The following GRID2 variants were observed in gnomAD, a reference collection of about 807,000 sequenced individuals.
GRID2 encodes the protein glutamate receptor ionotropic, delta-2.
GRID2 carries 33 observed loss-of-function variants against 114.8 expected under a neutral mutation model. The ratio of observed to expected loss-of-function variants is 0.29; its 90% CI spans 0.22 to 0.38. The LOEUF (loss-of-function observed/expected upper bound fraction) is 0.38. Ranked by LOEUF, GRID2 falls within the 10% of genes least tolerant of loss-of-function variation. The pLI is 1.00. For synonymous variants in GRID2, 505 were observed against 449.9 expected, an observed-to-expected ratio of 1.12 and a Z score of -1.55; for missense variants, 1,184 against 1,257.7, an observed-to-expected ratio of 0.94 and a Z score of 0.89.
At chr4:93,015,760 A>C (rs2149238396) in intron 2 of GRID2, among the ~76,000 whole-genome samples, 1 of 152,254 alleles carries the variant, frequency 6.6e-6, no homozygotes, top group Non-Finnish European at 1.5e-5. Context: ...ACAGACTTTC[A>C]AAACAGGGAG....
At chr4:93,074,735 T>C (rs1293426532) in intron 2 of GRID2, among the ~76,000 whole-genome samples, 7 of 152,146 alleles carry the variant, frequency 4.6e-5, no homozygotes, top group African/African-American at 1.4e-4. Context: ...ATAAAAGTGA[T>C]AAACCTTTAG....
At chr4:92,590,786 G>A (rs985840430) in intron 2 of GRID2, among the ~76,000 whole-genome samples, 4 of 152,016 alleles carry the variant, frequency 2.6e-5, no homozygotes, top group Non-Finnish European at 4.4e-5. Context: ...TACTCTCTAC[G>A]AGGCACCAAA....
At position 93,537,245 on chromosome 4, in the gene GRID2, C is replaced by T. The variant is rs557423796; in HGVS notation, c.2193+21834C>T. On this transcript the variant is annotated intron_variant, in intron 13 of 15. Coordinates refer to ENST00000282020, the MANE Select transcript of GRID2 (RefSeq NM_001510.4). The stretch of plus-strand genomic sequence containing the variant: ...CTCTAAGGCTATTTTCATTTTCACC[C>T]CATCAAGTAGTCTCTCGATTTATTA... Among the ~76,000 whole-genome samples, 15 of 151,792 alleles carry T rather than the reference C, an allele frequency of 9.9e-5. No individual in the cohort carries two copies. The South Asian group carries it at 3.1e-3, about 31-fold the overall frequency.
chr4:93,007,623 G>C (rs1271065687), intron 2 of GRID2, among the ~76,000 whole-genome samples: 2 of 152,056 alleles, frequency 1.3e-5, no homozygotes, highest in Non-Finnish European at 2.9e-5. Flanking sequence ...ACTTGACAAA[G>C]GAAGATAGTG....
At chr4:92,942,975 C>T (rs12509830) in intron 2 of GRID2, among the ~76,000 whole-genome samples, 9 of 152,228 alleles carry the variant, frequency 5.9e-5, no homozygotes, top group Admixed American at 2.6e-4. Flanking sequence ...GTGGGTAACC[C>T]GACCTTTCTC....
At chr4:93,221,513 A>G (rs1385737515) in intron 6 of GRID2, among the ~76,000 whole-genome samples, 1 of 152,122 alleles carries the variant, frequency 6.6e-6, no homozygotes, top group Non-Finnish European at 1.5e-5. Flanking sequence ...TGTCCAGTAA[A>G]TGGTCATTTG....
intron 1 of GRID2, among the ~76,000 whole-genome samples, chr4:92,588,473 G>T (rs534116236): frequency 6.6e-6 from 1 of 151,356 alleles, no homozygotes; most frequent in African/African-American, 2.4e-5. Flanking sequence ...TCAGGAGATC[G>T]AAACCATCCT....
chr4:92,556,925 A>C (rs1726877635), intron 1 of GRID2, among the ~76,000 whole-genome samples: 1 of 152,202 alleles, frequency 6.6e-6, no homozygotes, highest in African/African-American at 2.4e-5. Context: ...ACCGTTTTAC[A>C]TGCTGCCTAC....
chr4:92,708,685 C>A (rs1254652920), intron 2 of GRID2, among the ~76,000 whole-genome samples: 2 of 152,080 alleles, frequency 1.3e-5, no homozygotes, highest in African/African-American at 4.8e-5. Flanking sequence ...GGAATAATCC[C>A]TACTTTTCTC....
At chr4:92,338,790 TA>T (rs1332985959) in intron 1 of GRID2, among the ~76,000 whole-genome samples, 1 of 152,136 alleles carries the variant, frequency 6.6e-6, no homozygotes, top group Non-Finnish European at 1.5e-5. Flanking sequence ...CTTGTGTTCA[TA>T]AACATTATTT....
chr4:93,808,434 C>T (rs1735073058), exon 2 of GRID2: 1 of 152,198 alleles, frequency 6.6e-6, no homozygotes, highest in South Asian at 2.1e-4. Flanking sequence ...TATTTTTAAT[C>T]ACCCCATTTC....
intron 2 of GRID2, among the ~76,000 whole-genome samples, chr4:92,842,927 A>C (rs954951143): frequency 2.0e-5 from 3 of 152,138 alleles, no homozygotes; most frequent in African/African-American, 7.2e-5. Flanking sequence ...ATGAGGCTGT[A>C]GATAAGAAGT....
rs951011450 is a variant in GRID2 at position 93,523,695 on chromosome 4, C to T, written c.2193+8284C>T. Among the ~76,000 whole-genome samples the T allele has an allele frequency of 4.6e-5, 7 of 152,182 alleles. No homozygotes were observed. In the South Asian group the frequency reaches 1.0e-3, roughly 23 times the overall value. On this transcript the variant is annotated intron_variant, in intron 13 of 15. Transcript: ENST00000282020. The stretch of plus-strand genomic sequence containing the variant: ...CAGGTGCTTACTGAGGTGTGGGGCC[C>T]CTCTTCATCCCTGACAGTGGCAGTG...
intron 8 of GRID2, among the ~76,000 whole-genome samples, chr4:93,347,330 C>G (rs573586196): frequency 2.7e-4 from 41 of 152,168 alleles, no homozygotes; most frequent in African/African-American, 9.4e-4. Context: ...TAATCTGATA[C>G]ACTTTTTTCC....
At chr4:93,129,566 C>T (rs991521004) in intron 4 of GRID2, among the ~76,000 whole-genome samples, 4 of 152,138 alleles carry the variant, frequency 2.6e-5, no homozygotes, top group African/African-American at 4.8e-5. Context: ...GCCAATATCA[C>T]AATCCAGGGC....
At chr4:93,469,026 G>A (rs1018187140) in intron 11 of GRID2, among the ~76,000 whole-genome samples, 3 of 152,002 alleles carry the variant, frequency 2.0e-5, no homozygotes, top group Non-Finnish European at 2.9e-5. Context: ...TTTCTACTCT[G>A]CAGATCAGAC....
At chr4:92,450,815 A>T (rs1419633188) in intron 1 of GRID2, among the ~76,000 whole-genome samples, 1 of 148,606 alleles carries the variant, frequency 6.7e-6, no homozygotes, top group Non-Finnish European at 1.5e-5. Flanking sequence ...AATAAATTTT[A>T]ATTTAATTTA....
chr4:92,788,506 A>G (rs895783828), intron 2 of GRID2, among the ~76,000 whole-genome samples: 1 of 151,978 alleles, frequency 6.6e-6, no homozygotes, highest in African/African-American at 2.4e-5. Flanking sequence ...AAAAGAGAAC[A>G]TGCAAGAATT....
At chr4:93,321,455 G>C (rs901186060) in intron 8 of GRID2, among the ~76,000 whole-genome samples, 1 of 152,040 alleles carries the variant, frequency 6.6e-6, no homozygotes. Flanking sequence ...AATATGGAAA[G>C]AAGGATATTT....
Sources: allele counts gnomAD v4.1 joint callset (sites outside exome capture counted in the v4.1 genomes callset), GRCh38; gene constraint gnomAD v4.1.1; transcripts MANE v1.5; gene names NCBI Gene and HGNC (gene_info 2026-07-23, HGNC 2026-07-21).